The following ZFX variants were observed in gnomAD, a reference collection of about 807,000 sequenced individuals.
ZFX encodes the protein zinc finger X-chromosomal protein.
For missense variants in ZFX, 362 were observed against 628.3 expected (o/e 0.58, Z 4.53); for synonymous variants, 196 against 226.8 (o/e 0.86, Z 1.22).
chrX:24,214,504 G>T lies in ZFX; in HGVS notation c.*3128G>T, dbSNP rs1188264853. On this transcript the variant is annotated 3_prime_UTR_variant, in exon 10 of 10. Transcript: ENST00000304543. ...GTAAACCTAATAAACATCAAAAGCA[G>T]TGGATTATTTTCATCCCCCCATTTC... 8.9e-6 allele frequency: 1 copy of T among 112,531 alleles called. No homozygotes were observed. Among genetic ancestry groups the T allele is most frequent in the Non-Finnish European group, 1.9e-5 (1 of 53,240 alleles). 9.3% of individuals were successfully genotyped at this position (112,531 alleles called of 1,213,427 possible).
chrX:24,197,908 C>G (rs866837219), intron 5 of ZFX, among the ~76,000 whole-genome samples: 7 of 111,831 alleles, frequency 6.3e-5, no homozygotes, highest in African/African-American at 2.0e-4. Context: ...TTCAGGAATT[C>G]AGGGACTGTA....
chrX:24,204,784 C>T (rs58394536), intron 5 of ZFX, among the ~76,000 whole-genome samples: 1,189 of 112,065 alleles, frequency 0.011, 22 homozygotes, highest in African/African-American at 0.037. Flanking sequence ...CTCTAAACTT[C>T]AGTTTGCTTT....
At chrX:24,176,430 A>ATTTT (rs56241839) in intron 4 of ZFX, among the ~76,000 whole-genome samples, 36 of 66,825 alleles carry the variant, frequency 5.4e-4, no homozygotes, top group African/African-American at 8.1e-4. Context: ...TTGGCCTTTG[A>ATTTT]TTTTTTTTTT....
intron 1 of ZFX, chrX:24,151,353 G>A (rs1422223027): frequency 8.9e-6 from 1 of 112,093 alleles, no homozygotes; most frequent in African/African-American, 3.2e-5. Context: ...GAGGATCAGG[G>A]AGGGACGGGT....
rs1328156807 is a variant in ZFX at position 24,213,122 on chromosome X, G to T, written c.*1746G>T. ...GGGGTTTCACCATCTTGGCCAGGCT[G>T]GTCTTGAACCCTGACCTCGTGATCC... On this transcript the variant is annotated 3_prime_UTR_variant, in exon 10 of 10. Transcript: ENST00000304543. The T allele has an allele frequency of 1.8e-5, 2 of 111,530 alleles. No homozygotes were observed. The highest frequency in any genetic ancestry group is 5.6e-4 in the East Asian group (2 of 3,564). The allele number at this position is 111,530 out of a possible 1,213,427, so 9.2% of individuals were successfully genotyped here. A position where few individuals can be genotyped will look rare whatever the true frequency, so the allele number is the denominator to read the frequency against.
At chrX:24,189,540 T>A (rs2096547731) in intron 5 of ZFX, among the ~76,000 whole-genome samples, 1 of 112,307 alleles carries the variant, frequency 8.9e-6, no homozygotes, top group Non-Finnish European at 1.9e-5. Context: ...AACCCCTATG[T>A]TTAATGTATA....
At chrX:24,179,121 T>C (rs1935441465) in intron 4 of ZFX, 62 bp from the exon 5 acceptor site, 6 of 988,373 alleles carry the variant, frequency 6.1e-6, no homozygotes, top group Non-Finnish European at 7.0e-6. Flanking sequence ...TTAAGTAACA[T>C]TTACGTTAAT....
At chrX:24,184,027 C>T (rs779269168) in intron 5 of ZFX, among the ~76,000 whole-genome samples, 1 of 111,984 alleles carries the variant, frequency 8.9e-6, no homozygotes, top group South Asian at 3.7e-4. Flanking sequence ...TCCCAAAATG[C>T]TGGGATTACA....
chrX:24,158,685 G>A (rs2704848), intron 3 of ZFX, among the ~76,000 whole-genome samples: 35,890 of 109,926 alleles, frequency 0.33, 4,331 homozygotes, highest in South Asian at 0.64. Flanking sequence ...CGCCCAGGCT[G>A]GAGTGCAATG....
intron 5 of ZFX, among the ~76,000 whole-genome samples, chrX:24,189,354 A>G (rs1018734351): frequency 3.6e-5 from 4 of 111,869 alleles, no homozygotes; most frequent in Admixed American, 2.8e-4. Flanking sequence ...GCATACAACT[A>G]CAATGTAAAG....
At chrX:24,176,102 C>T (rs184130567) in intron 4 of ZFX, among the ~76,000 whole-genome samples, 2,566 of 103,748 alleles carry the variant, frequency 0.025, 80 homozygotes, top group African/African-American at 0.086. Context: ...TGCAATGGCG[C>T]GATCTTTGCT....
intron 5 of ZFX, among the ~76,000 whole-genome samples, chrX:24,199,772 C>T (rs1353177421): frequency 9.1e-6 from 1 of 110,119 alleles, no homozygotes; most frequent in East Asian, 2.9e-4. Flanking sequence ...ACAAAATTAG[C>T]CAGGTGTGGT....
At position 24,179,553 on chromosome X, in the gene ZFX, CGTTGGACATGTTGGACAT is replaced by C; in HGVS notation, c.443_460del (p.Gly148_Val153del). The C allele has an allele frequency of 2.5e-6, 3 of 1,211,958 alleles. No homozygotes were observed. Among genetic ancestry groups the C allele is most frequent in the Middle Eastern group, 2.3e-4 (1 of 4,356 alleles). ...CGGGTGATTCTATACATGTGTCTGA[CGTTGGACATGTTGGACAT>C]GTTGGACATGTTGAACATGTGGTTC... On this transcript the variant is annotated inframe_deletion, in exon 5 of 10. Coordinates refer to ENST00000304543, the MANE Select transcript of ZFX (RefSeq NM_003410.4).
chrX:24,150,316 A>AG (rs1341453291), intron 1 of ZFX, among the ~76,000 whole-genome samples: 2 of 52,607 alleles, frequency 3.8e-5, no homozygotes, highest in African/African-American at 6.9e-5. Flanking sequence ...ACAGCCCGTG[A>AG]GGGGGGGTGG....
intron 5 of ZFX, among the ~76,000 whole-genome samples, chrX:24,189,523 A>G (rs781281437): frequency 1.2e-4 from 14 of 112,189 alleles, no homozygotes; most frequent in Non-Finnish European, 2.6e-4. Flanking sequence ...TAAATACATA[A>G]AGTCCAAACC....
chrX:24,169,150 A>G (rs917818304), intron 3 of ZFX, among the ~76,000 whole-genome samples: 2 of 111,627 alleles, frequency 1.8e-5, no homozygotes, highest in African/African-American at 6.5e-5. Context: ...GAATTTTTGT[A>G]ATGACAAAAC....
rs62587208 is a variant in ZFX at position 24,178,251 on chromosome X, C to A, written c.59-932C>A. 7.9e-3 allele frequency among the ~76,000 whole-genome samples: 837 copies of A among 106,458 alleles called. 4 individuals are homozygous for A. Among genetic ancestry groups the A allele is most frequent in the Middle Eastern group, 0.032 (6 of 187 alleles). The allele number at this position is 106,458 out of a possible 115,157, so 92.4% of individuals were successfully genotyped here. On this transcript the variant is annotated intron_variant, in intron 4 of 9. Transcript: ENST00000304543. Reference sequence around the variant, plus strand: ...GGCCTACTTAATTAATTTTTGTAATCTTCCCTTAAGTACCTATGTGTATGG... The same window carrying A: ...GGCCTACTTAATTAATTTTTGTAATATTCCCTTAAGTACCTATGTGTATGG...
At chrX:24,160,936 C>T (rs1326051971) in intron 3 of ZFX, among the ~76,000 whole-genome samples, 1 of 110,744 alleles carries the variant, frequency 9.0e-6, no homozygotes, top group Non-Finnish European at 1.9e-5. Flanking sequence ...CATAATTTTC[C>T]TGTTGCCCAT....
At chrX:24,195,402 G>T (rs1288798088) in intron 5 of ZFX, among the ~76,000 whole-genome samples, 3 of 108,242 alleles carry the variant, frequency 2.8e-5, no homozygotes, top group Non-Finnish European at 5.8e-5. Context: ...GCCCAGGCTG[G>T]AGTGCAGTGG....
Sources: allele counts gnomAD v4.1 joint callset (sites outside exome capture counted in the v4.1 genomes callset), GRCh38; gene constraint gnomAD v4.1.1; transcripts MANE v1.5; gene names NCBI Gene and HGNC (gene_info 2026-07-23, HGNC 2026-07-21).